Variants in KCNIP4 observed in about 807,000 individuals in gnomAD.
KCNIP4 encodes the protein potassium voltage-gated channel interacting protein 4, also known as Kv channel-interacting protein 4.
KCNIP4 carries 12 observed loss-of-function variants against 34.0 expected under a neutral mutation model. The ratio of observed to expected loss-of-function variants is 0.35; its 90% confidence interval spans 0.23 to 0.57. The LOEUF is 0.57. Ranked by LOEUF, KCNIP4 falls within the 20% of genes least tolerant of loss-of-function variation. KCNIP4 has a pLI of 0.83. For synonymous variants in KCNIP4, 124 were observed against 102.2 expected (o/e 1.21, Z -1.29); for missense variants, 238 against 311.7 (o/e 0.76, Z 1.78).
intron 1 of KCNIP4, among the ~76,000 whole-genome samples, chr4:21,072,554 C>G (rs1239518215): frequency 6.6e-6 from 1 of 151,754 alleles, no homozygotes; most frequent in Non-Finnish European, 1.5e-5. Context: ...AGTCCTTTGT[C>G]AGATGAGTAG....
At chr4:21,599,185 T>G (rs1332844243) in intron 1 of KCNIP4, among the ~76,000 whole-genome samples, 1 of 152,052 alleles carries the variant, frequency 6.6e-6, no homozygotes, top group Non-Finnish European at 1.5e-5. Context: ...TGAATCCTCC[T>G]CCCCTGTTTC....
intron 1 of KCNIP4, among the ~76,000 whole-genome samples, chr4:20,949,774 C>T (rs973525734): frequency 2.3e-4 from 34 of 149,162 alleles, no homozygotes; most frequent in Non-Finnish European, 3.0e-4. Flanking sequence ...AACCAAACAC[C>T]GCATATCCTC....
At chr4:20,852,344 T>C (rs1230462135) in intron 2 of KCNIP4, among the ~76,000 whole-genome samples, 7 of 152,168 alleles carry the variant, frequency 4.6e-5, no homozygotes, top group Non-Finnish European at 8.8e-5. Flanking sequence ...ATAAATGTGA[T>C]ATACCACATA....
Position 20,730,096 on chromosome 4 carries a change from C to CAAAG in KCNIP4, c.735_738dup (p.Glu247LeufsTer2), listed in dbSNP as rs771966590. 1.2e-6 allele frequency: 2 copies of CAAAG among 1,608,268 alleles called. No homozygotes were observed. The highest frequency in any genetic ancestry group is 1.7e-6 in the Non-Finnish European group (2 of 1,178,030). ...TATTTGACAAGTTAAATCACATTTT[C>CAAAG]AAAGAGCTGCATGGAGCGCATTATG... On this transcript the variant is annotated frameshift_variant, in exon 9 of 9. Coordinates refer to ENST00000382152, the MANE Select transcript of KCNIP4 (RefSeq NM_025221.6). LOFTEE classifies it high-confidence loss of function.
At chr4:21,085,399 A>T (rs966843329) in intron 1 of KCNIP4, among the ~76,000 whole-genome samples, 1 of 152,190 alleles carries the variant, frequency 6.6e-6, no homozygotes, top group Non-Finnish European at 1.5e-5. Context: ...GTATTCTGTT[A>T]TTGCAGCCTG....
rs1439069276 is a variant in KCNIP4, at chr4:21,948,732, G to A, written c.-101C>T. The A allele has an allele frequency of 3.1e-6, 4 of 1,277,874 alleles. No homozygotes were observed. The highest frequency in any genetic ancestry group is 3.0e-6 in the Non-Finnish European group (3 of 996,610). 79.2% of individuals were successfully genotyped at this position (1,277,874 alleles called of 1,614,324 possible). A position where few individuals can be genotyped will look rare whatever the true frequency, so the allele number is the denominator to read the frequency against. On this transcript the variant is annotated 5_prime_UTR_variant, in exon 1 of 9. Transcript: ENST00000382152. ...GAGCGCACCGCCGCTCGGCCCGGGG[G>A]CGTCCGTGGCGCTGGGAGCGAGAGC...
rs910012523 is a variant in KCNIP4, at chr4:21,327,039, T to C, written c.62-444330A>G. 5.9e-5 allele frequency among the ~76,000 whole-genome samples: 9 copies of C among 152,078 alleles called. No homozygotes were observed. The East Asian group carries it at 1.7e-3, about 29-fold the overall frequency. ...CTGCAGTTATATTATTTGATAGACTTATCCTTTAGTGCTTTTACTCAATAT... is the reference window on the plus strand; with the variant it reads ...CTGCAGTTATATTATTTGATAGACTCATCCTTTAGTGCTTTTACTCAATAT... On this transcript the variant is annotated intron_variant, in intron 1 of 8. Transcript: ENST00000382152.
intron 1 of KCNIP4, among the ~76,000 whole-genome samples, chr4:21,759,252 G>A (rs1717883538): frequency 6.6e-6 from 1 of 152,174 alleles, no homozygotes; most frequent in South Asian, 2.1e-4. Flanking sequence ...TATGATCAGT[G>A]AATAGGAACA....
chr4:21,105,896 A>C (rs1035637044), intron 1 of KCNIP4, among the ~76,000 whole-genome samples: 2 of 151,496 alleles, frequency 1.3e-5, no homozygotes, highest in Admixed American at 6.6e-5. Flanking sequence ...GCTGGATTAC[A>C]TTTATTGATT....
chr4:20,803,723 G>GGT, intron 3 of KCNIP4, among the ~76,000 whole-genome samples: 1 of 119,064 alleles, frequency 8.4e-6, no homozygotes, highest in East Asian at 3.1e-4. Flanking sequence ...GAGAGAGAGA[G>GGT]AGAGAGGAAG....
chr4:20,804,952 C>T (rs547182556), intron 3 of KCNIP4, among the ~76,000 whole-genome samples: 1 of 152,054 alleles, frequency 6.6e-6, no homozygotes, highest in Non-Finnish European at 1.5e-5. Flanking sequence ...CATAAATGAA[C>T]AGTTTCTTCT....
intron 1 of KCNIP4, among the ~76,000 whole-genome samples, chr4:20,994,733 C>T (rs756939515): frequency 1.6e-4 from 24 of 152,168 alleles, no homozygotes; most frequent in Non-Finnish European, 3.4e-4. Context: ...GAAAGGCATT[C>T]GCATGTTATC....
At chr4:21,345,046 T>C (rs1017527519) in intron 1 of KCNIP4, among the ~76,000 whole-genome samples, 1 of 152,130 alleles carries the variant, frequency 6.6e-6, no homozygotes, top group Non-Finnish European at 1.5e-5. Context: ...TGAGTGTGCA[T>C]TGGACTTAGT....
chr4:20,850,299 C>A, intron 3 of KCNIP4: 1 of 319,726 alleles, frequency 3.1e-6, no homozygotes, highest in Non-Finnish European at 5.8e-6. Context: ...CAACCAAGAA[C>A]TGAATTGAAT....
chr4:21,599,739 G>A (rs1180110305), intron 1 of KCNIP4, among the ~76,000 whole-genome samples: 1 of 152,074 alleles, frequency 6.6e-6, no homozygotes, highest in Non-Finnish European at 1.5e-5. Flanking sequence ...CTCTGGCCAA[G>A]CTGACTGCTG....
chr4:20,997,202 A>T (rs1737633867), intron 1 of KCNIP4, among the ~76,000 whole-genome samples: 1 of 152,206 alleles, frequency 6.6e-6, no homozygotes, highest in Admixed American at 6.5e-5. Flanking sequence ...AGCGCAAATA[A>T]AAGCAACCAC....
At chr4:20,905,509 C>CTTTTTTTTTTTTTTTTT (rs10686415) in intron 1 of KCNIP4, among the ~76,000 whole-genome samples, 1,179 of 72,654 alleles carry the variant, frequency 0.016, 52 homozygotes, top group Non-Finnish European at 0.019. Context: ...CGTTTTCTTT[C>CTTTTTTTTTTTTTTTTT]TTTTTTTTTT....
At chr4:21,314,877 C>T (rs1336022613) in intron 1 of KCNIP4, among the ~76,000 whole-genome samples, 2 of 152,096 alleles carry the variant, frequency 1.3e-5, no homozygotes. Context: ...TAGCTTGGGG[C>T]TCCATTTCTT....
In KCNIP4 at chr4:21,519,447, T is replaced by TATATACACATATGTGTGTATATGTATGC. The variant is rs1735122480; in HGVS notation, c.61+429123_61+429124insGCATACATATACACACATATGTGTATAT. Among the ~76,000 whole-genome samples, 4 of 129,874 alleles carry TATATACACATATGTGTGTATATGTATGC rather than the reference T, an allele frequency of 3.1e-5. 1 individual carries two copies. The highest frequency in any genetic ancestry group is 6.6e-5 in the Non-Finnish European group (4 of 60,312). 85.2% of individuals were successfully genotyped at this position (129,874 alleles called of 152,430 possible). ...ATACACATATGTGTGTATATGTATG[T>TATATACACATATGTGTGTATATGTATGC]GTATATACACATATGTGTGTATGTG... is the stretch of plus-strand genomic sequence containing the variant. On this transcript the variant is annotated intron_variant, in intron 1 of 8. Coordinates refer to ENST00000382152, the MANE Select transcript of KCNIP4 (RefSeq NM_025221.6).
Sources: gnomAD v4.1 joint callset for allele counts (sites outside exome capture counted in the v4.1 genomes callset) on GRCh38, gnomAD v4.1.1 for gene constraint, MANE v1.5 for transcripts, NCBI Gene and HGNC (gene_info 2026-07-23, HGNC 2026-07-21) for gene names.